The following SEMA3A variants were observed in gnomAD, a reference collection of about 807,000 sequenced individuals.
SEMA3A encodes semaphorin 3A, also known as semaphorin-3A.
Under a neutral mutation model 97.9 loss-of-function variants are expected in SEMA3A, and 29 were observed. That is an observed-to-expected ratio of 0.30 (90% CI 0.22 to 0.40). SEMA3A has a LOEUF of 0.40. Among genes scored for constraint, SEMA3A ranks in the 10% least tolerant of loss-of-function variants. The pLI is 1.00. For missense variants in SEMA3A, 763 were observed against 951.3 expected (o/e 0.80, Z 2.60); for synonymous variants, 321 against 323.7 (o/e 0.99, Z 0.09).
intron 3 of SEMA3A, among the ~76,000 whole-genome samples, chr7:84,292,429 T>C (rs1160401423): frequency 1.3e-5 from 2 of 150,034 alleles, no homozygotes; most frequent in East Asian, 3.9e-4. Flanking sequence ...TATTGAATAC[T>C]TGACTAAAAA....
chr7:84,267,525 T>G (rs921156021), intron 3 of SEMA3A, among the ~76,000 whole-genome samples: 1 of 152,130 alleles, frequency 6.6e-6, no homozygotes, highest in Non-Finnish European at 1.5e-5. Context: ...TCATGGGTCT[T>G]TAAAAATGTA....
At chr7:84,231,727 C>A (rs546624756) in intron 3 of SEMA3A, among the ~76,000 whole-genome samples, 1 of 151,530 alleles carries the variant, frequency 6.6e-6, no homozygotes, top group African/African-American at 2.4e-5. Context: ...TAAATTAGCA[C>A]CCTGAGGACA....
At chr7:84,021,442 C>T (rs1457085091) in intron 6 of SEMA3A, among the ~76,000 whole-genome samples, 1 of 152,128 alleles carries the variant, frequency 6.6e-6, no homozygotes. Context: ...TAATCTTTCC[C>T]ACTGCAACTA....
intron 3 of SEMA3A, among the ~76,000 whole-genome samples, chr7:84,248,256 T>C (rs1471462695): frequency 6.6e-6 from 1 of 152,228 alleles, no homozygotes; most frequent in African/African-American, 2.4e-5. Flanking sequence ...TAGCTTGTCC[T>C]TTAAAGTGGC....
intron 2 of SEMA3A, among the ~76,000 whole-genome samples, chr7:84,313,837 G>A (rs1259992555): frequency 6.6e-6 from 1 of 151,852 alleles, no homozygotes; most frequent in Non-Finnish European, 1.5e-5. Flanking sequence ...AGTTCTTTGG[G>A]AATAAATCAA....
intron 3 of SEMA3A, among the ~76,000 whole-genome samples, chr7:84,230,209 ACTCT>A (rs1562862880): frequency 6.6e-6 from 1 of 151,196 alleles, no homozygotes; most frequent in Non-Finnish European, 1.5e-5. Flanking sequence ...TAATTGAGTC[ACTCT>A]CTCTCTTCCT....
At chr7:84,110,326 TA>T in intron 4 of SEMA3A, 143 bp downstream of exon 4, 1 of 848,838 alleles carries the variant, frequency 1.2e-6, no homozygotes, top group Non-Finnish European at 1.8e-6. Flanking sequence ...ATTCACAGAT[TA>T]AAATTAATAA....
chr7:84,456,585 A>T (rs576076869), intron 1 of SEMA3A, among the ~76,000 whole-genome samples: 1 of 152,024 alleles, frequency 6.6e-6, no homozygotes, highest in South Asian at 2.1e-4. Context: ...ATTGTTTAAT[A>T]ATCATTAATA....
chr7:84,474,331 G>A (rs999981878), intron 1 of SEMA3A, among the ~76,000 whole-genome samples: 9 of 152,196 alleles, frequency 5.9e-5, no homozygotes, highest in Non-Finnish European at 1.2e-4. Context: ...TCTGAGGCTT[G>A]TTCCTAAGAC....
intron 1 of SEMA3A, among the ~76,000 whole-genome samples, chr7:84,474,787 C>T (rs1236178571): frequency 6.6e-6 from 1 of 151,914 alleles, no homozygotes; most frequent in Non-Finnish European, 1.5e-5. Context: ...AAAAAATAAG[C>T]CCCATACACA....
intron 3 of SEMA3A, among the ~76,000 whole-genome samples, chr7:84,234,673 ATTC>A (rs1248440975): frequency 6.6e-6 from 1 of 151,948 alleles, no homozygotes; most frequent in African/African-American, 2.4e-5. Context: ...GACTTTTTCT[ATTC>A]TTATAAGTTT....
intron 2 of SEMA3A, among the ~76,000 whole-genome samples, chr7:84,343,494 A>G (rs1446464921): frequency 6.6e-6 from 1 of 152,208 alleles, no homozygotes; most frequent in Non-Finnish European, 1.5e-5. Context: ...CTTAAAGGTA[A>G]TTTAATTCAG....
intron 1 of SEMA3A, among the ~76,000 whole-genome samples, chr7:84,491,030 C>T (rs145039342): frequency 9.9e-5 from 15 of 152,226 alleles, no homozygotes; most frequent in Non-Finnish European, 1.6e-4. Context: ...AAATGCAATT[C>T]TTAAAGAAAT....
At chr7:84,407,623 A>C (rs1286412607) in intron 1 of SEMA3A, among the ~76,000 whole-genome samples, 1 of 150,500 alleles carries the variant, frequency 6.6e-6, no homozygotes, top group East Asian at 1.9e-4. Context: ...TGGAGGCATC[A>C]CCGTACCTGA....
chr7:84,373,289 T>C (rs1323616076), intron 1 of SEMA3A, among the ~76,000 whole-genome samples: 1 of 152,200 alleles, frequency 6.6e-6, no homozygotes, highest in Non-Finnish European at 1.5e-5. Context: ...TCAATACATG[T>C]TGAATAGAAT....
chr7:84,003,093 C>T (rs1440017441), intron 11 of SEMA3A, among the ~76,000 whole-genome samples: 1 of 151,982 alleles, frequency 6.6e-6, no homozygotes, highest in African/African-American at 2.4e-5. Context: ...ATCTTGTCAA[C>T]AAAGAATAAA....
chr7:84,086,406 A>G (rs1342442155), intron 4 of SEMA3A, among the ~76,000 whole-genome samples: 2 of 147,266 alleles, frequency 1.4e-5, no homozygotes, highest in East Asian at 3.9e-4. Context: ...ACTCTTTGCT[A>G]TTATTATTTT....
At chr7:84,211,703 G>C (rs1798632256) in intron 3 of SEMA3A, among the ~76,000 whole-genome samples, 2 of 152,098 alleles carry the variant, frequency 1.3e-5, no homozygotes, top group South Asian at 4.1e-4. Flanking sequence ...GAAAAGAAAA[G>C]GTGTGAATAT....
At chr7:84,055,004 G>A (rs1194977668) in intron 5 of SEMA3A, among the ~76,000 whole-genome samples, 11 of 151,322 alleles carry the variant, frequency 7.3e-5, no homozygotes, top group East Asian at 1.9e-4. Context: ...GTGCCTCCCA[G>A]TTAGGCTGCT....
Sources: allele counts gnomAD v4.1 joint callset (sites outside exome capture counted in the v4.1 genomes callset), GRCh38; gene constraint gnomAD v4.1.1; transcripts MANE v1.5; gene names NCBI Gene and HGNC (gene_info 2026-07-23, HGNC 2026-07-21).